The following PMEPA1 variants were observed in gnomAD, a reference collection of about 807,000 sequenced individuals.
The protein encoded by PMEPA1 is protein TMEPAI.
In PMEPA1, 11 loss-of-function variants were observed where a neutral mutation model predicts 23.0. The ratio of observed to expected loss-of-function variants is 0.48; its 90% CI spans 0.30 to 0.79. The LOEUF is 0.79. PMEPA1 is among the 30% of genes least tolerant of loss of function. The pLI, the probability that PMEPA1 is intolerant of heterozygous loss-of-function variation, is 0.06. For missense variants in PMEPA1, 377 were observed against 390.9 expected, an observed-to-expected ratio of 0.96 and a Z score of 0.30; for synonymous variants, 204 against 166.4, an observed-to-expected ratio of 1.23 and a Z score of -1.74.
chr20:57,698,013 T>C (rs1016023870), intron 1 of PMEPA1, among the ~76,000 whole-genome samples: 2 of 152,224 alleles, frequency 1.3e-5, no homozygotes, highest in African/African-American at 4.8e-5. Context: ...ATTTGTTTCA[T>C]GGTAGGTCCA....
intron 1 of PMEPA1, among the ~76,000 whole-genome samples, chr20:57,669,882 A>C (rs2071543984): frequency 6.6e-6 from 1 of 152,096 alleles, no homozygotes; most frequent in East Asian, 1.9e-4. Flanking sequence ...AGAGGGAAAA[A>C]AAAAAGATTT....
In PMEPA1 at chr20:57,709,549, C is replaced by A; in HGVS notation, c.34G>T (p.Ala12Ser). 9.2e-7 allele frequency: 1 copy of A among 1,087,728 alleles called. No homozygotes were observed. Among genetic ancestry groups the A allele is most frequent in the Non-Finnish European group, 1.1e-6 (1 of 878,576 alleles). The allele number at this position is 1,087,728 out of a possible 1,614,324, so 67.4% of individuals were successfully genotyped here. A position where few individuals can be genotyped will look rare whatever the true frequency, so the allele number is the denominator to read the frequency against. ...ACATTGGGCTGCCCGGCGGCGGCGG[C>A]GGCGGTGCTGTTGACCCCCATCAAG... ...HRLMGVNSTA[A>S]AAAGQPNVSC... The change falls in exon 1 of 4, where the codon GCC (alanine) becomes TCC (serine). Residue 12 changes from alanine (A) to serine (S), a missense_variant. By Grantham distance (99) the Ala-to-Ser change is moderately conservative. Around this residue, in one of 3 missense-constraint regions of PMEPA1, gnomAD observed 198 missense variants for 196.3 expected, o/e 1.01. Transcript: ENST00000341744.
chr20:57,664,613 C>G (rs972721527), intron 1 of PMEPA1, among the ~76,000 whole-genome samples: 1 of 149,744 alleles, frequency 6.7e-6, no homozygotes, highest in African/African-American at 2.5e-5. Context: ...CATTCCCAGT[C>G]GCAGCTTGAG....
chr20:57,710,137 G>C, upstream of PMEPA1: 1 of 734,210 alleles, frequency 1.4e-6, no homozygotes, highest in Non-Finnish European at 1.8e-6. Context: ...CGGGGTGACG[G>C]GAAACGGGGC....
intron 1 of PMEPA1, among the ~76,000 whole-genome samples, chr20:57,688,643 A>G (rs928135849): frequency 1.3e-5 from 2 of 152,182 alleles, no homozygotes; most frequent in African/African-American, 4.8e-5. Context: ...AGAGCCTCAC[A>G]TTCATTCTCC....
At chr20:57,709,343 G>C in intron 1 of PMEPA1, 131 bp downstream of exon 1, 1 of 544,866 alleles carries the variant, frequency 1.8e-6, no homozygotes, top group Non-Finnish European at 2.4e-6. Context: ...GGGGCGCGGC[G>C]GGCGCTGCCC....
intron 1 of PMEPA1, among the ~76,000 whole-genome samples, chr20:57,676,550 G>A (rs189436211): frequency 1.1e-3 from 175 of 152,362 alleles, no homozygotes; most frequent in African/African-American, 4.1e-3. Context: ...GGTACGAAAA[G>A]AGGAAGAAAG....
chr20:57,708,957 C>A (rs1430298616), intron 1 of PMEPA1, among the ~76,000 whole-genome samples: 1 of 151,986 alleles, frequency 6.6e-6, no homozygotes, highest in African/African-American at 2.4e-5. Flanking sequence ...CCAGACAGAG[C>A]CACGCAGCCA....
chr20:57,708,033 T>TG (rs1444541385), intron 1 of PMEPA1, among the ~76,000 whole-genome samples: 2 of 152,232 alleles, frequency 1.3e-5, no homozygotes, highest in Admixed American at 6.5e-5. Flanking sequence ...CATTCCAGGC[T>TG]GGGAGGGAGT....
chr20:57,650,379 G>A lies in PMEPA1; in HGVS notation c.*1674C>T, dbSNP rs1271861560. The A allele has an allele frequency of 6.6e-6, 1 of 152,218 alleles. No homozygotes were observed. The highest frequency in any genetic ancestry group is 1.5e-5 in the Non-Finnish European group (1 of 68,070). The allele number at this position is 152,218 out of a possible 1,614,324, so 9.4% of individuals were successfully genotyped here. On this transcript the variant is annotated 3_prime_UTR_variant, in exon 4 of 4. Coordinates refer to ENST00000341744, the MANE Select transcript of PMEPA1 (RefSeq NM_020182.5). Reference sequence around the variant, plus strand: ...GGGGCCCTCCCACCCCCATGGGGAGGAAAGACGTCAAGCTCCAGCCACTGG... The same window carrying A: ...GGGGCCCTCCCACCCCCATGGGGAGAAAAGACGTCAAGCTCCAGCCACTGG...
chr20:57,697,029 A>G (rs1600670636), intron 1 of PMEPA1, among the ~76,000 whole-genome samples: 1 of 152,228 alleles, frequency 6.6e-6, no homozygotes, highest in African/African-American at 2.4e-5. Context: ...TTCCCGCTAC[A>G]TGGTAGCTGA....
intron 1 of PMEPA1, chr20:57,690,642 C>T: frequency 9.0e-7 from 1 of 1,107,162 alleles, no homozygotes; most frequent in Admixed American, 3.3e-5. Context: ...GCACCCCAGC[C>T]TGCGCTTCTC....
intron 1 of PMEPA1, among the ~76,000 whole-genome samples, chr20:57,678,909 AC>A (rs779737027): frequency 6.6e-6 from 1 of 152,144 alleles, no homozygotes; most frequent in Non-Finnish European, 1.5e-5. Flanking sequence ...CTACCACTGT[AC>A]CCCCAAGAGA....
intron 1 of PMEPA1, among the ~76,000 whole-genome samples, chr20:57,703,992 G>A (rs2072044978): frequency 6.6e-6 from 1 of 152,142 alleles, no homozygotes; most frequent in Non-Finnish European, 1.5e-5. Flanking sequence ...AAGTTTTGAC[G>A]CCTCCATCCC....
At chr20:57,669,157 T>TTATG (rs2071533787) in intron 1 of PMEPA1, among the ~76,000 whole-genome samples, 2 of 151,354 alleles carry the variant, frequency 1.3e-5, no homozygotes, top group African/African-American at 4.9e-5. Flanking sequence ...ATTTATTTAT[T>TTATG]TATTTATTTA....
Position 57,704,674 on chromosome 20 carries a change from C to T in PMEPA1, c.109+4800G>A, listed in dbSNP as rs2072054030. 6.6e-6 allele frequency among the ~76,000 whole-genome samples: 1 copy of T among 152,230 alleles called. No homozygotes were observed. On this transcript the variant is annotated intron_variant, in intron 1 of 3. Transcript: ENST00000341744. The surrounding 1 kb of genome is among the most constrained non-coding windows in gnomAD (Gnocchi z 4.6). ...CGATCCTCAGGTTTGGACCCTGCCACCAGCACCTTCCTCCAAACATTTTCT... is the reference window on the plus strand; with the variant it reads ...CGATCCTCAGGTTTGGACCCTGCCATCAGCACCTTCCTCCAAACATTTTCT...
rs1568956890 is a variant in PMEPA1 at position 57,650,627 on chromosome 20, A to G, written c.*1426T>C. The G allele has an allele frequency of 2.0e-5, 3 of 152,280 alleles. No individual in the cohort carries two copies. The highest frequency in any genetic ancestry group is 6.5e-5 in the Admixed American group (1 of 15,288). The allele number at this position is 152,280 out of a possible 1,614,324, so 9.4% of individuals were successfully genotyped here. ...GAAGGGAAGCGTTGTTTCCGCGGGGAAAGGAGATGGAAAGGGGAAGAGAAG... is the reference window on the plus strand; with the variant it reads ...GAAGGGAAGCGTTGTTTCCGCGGGGGAAGGAGATGGAAAGGGGAAGAGAAG... On this transcript the variant is annotated 3_prime_UTR_variant, in exon 4 of 4. Coordinates refer to ENST00000341744, the MANE Select transcript of PMEPA1 (RefSeq NM_020182.5).
intron 1 of PMEPA1, among the ~76,000 whole-genome samples, chr20:57,694,052 C>T (rs2071916085): frequency 6.6e-6 from 1 of 152,232 alleles, no homozygotes; most frequent in African/African-American, 2.4e-5. Flanking sequence ...GCCTGGACCA[C>T]AGAACTCCAT....
chr20:57,709,452 AG>A (rs1215708443), intron 1 of PMEPA1, 21 bp downstream of exon 1: 9 of 1,095,058 alleles, frequency 8.2e-6, no homozygotes, highest in East Asian at 5.8e-5. Flanking sequence ...GTCTCCGGGG[AG>A]GGGGGCGTGG....
Sources: allele counts gnomAD v4.1 joint callset (sites outside exome capture counted in the v4.1 genomes callset), GRCh38; gene constraint gnomAD v4.1.1; regional missense constraint gnomAD v4.1.1; non-coding constraint Gnocchi (gnomAD v3.1); transcripts MANE v1.5; gene names NCBI Gene and HGNC (gene_info 2026-07-23, HGNC 2026-07-21).